Variants in MAPK4 observed in about 807,000 individuals in gnomAD.
MAPK4 encodes mitogen-activated protein kinase 4, also known as Erk3-related.
A neutral mutation model predicts 47.7 loss-of-function variants in MAPK4; 22 were observed. The ratio of observed to expected loss-of-function variants is 0.46; its 90% CI spans 0.33 to 0.66. The LOEUF is 0.66. Among genes scored for constraint, MAPK4 ranks in the 30% least tolerant of loss-of-function variants. The pLI is 0.02. For synonymous variants in MAPK4, 390 were observed against 365.7 expected, an observed-to-expected ratio of 1.07 and a Z score of -0.76; for missense variants, 736 against 831.7, an observed-to-expected ratio of 0.88 and a Z score of 1.42.
At chr18:50,568,897 T>A (rs1293998327) in intron 1 of MAPK4, among the ~76,000 whole-genome samples, 4 of 152,250 alleles carry the variant, frequency 2.6e-5, no homozygotes, top group Non-Finnish European at 5.9e-5. Context: ...AGTCTAGAAT[T>A]CTAGTTATTT....
chr18:50,567,513 A>T (rs1376779837), intron 1 of MAPK4, among the ~76,000 whole-genome samples: 2 of 152,204 alleles, frequency 1.3e-5, no homozygotes, highest in South Asian at 2.1e-4. Context: ...TGAGCCAAGG[A>T]TGTGTATGCA....
intron 1 of MAPK4, chr18:50,629,676 T>G (rs2144149326): frequency 6.6e-6 from 1 of 152,386 alleles, no homozygotes; most frequent in Admixed American, 6.5e-5. Context: ...TCTTTGAGGC[T>G]GGACCATGTT....
chr18:50,609,198 A>G (rs928193770), intron 1 of MAPK4, among the ~76,000 whole-genome samples: 6 of 151,672 alleles, frequency 4.0e-5, no homozygotes, highest in African/African-American at 1.4e-4. Flanking sequence ...CAAAACCGCC[A>G]TCGTCATCAT....
At chr18:50,710,439 C>A (rs1910288664) in intron 2 of MAPK4, among the ~76,000 whole-genome samples, 1 of 151,842 alleles carries the variant, frequency 6.6e-6, no homozygotes, top group African/African-American at 2.4e-5. Flanking sequence ...GCCAAGATGG[C>A]ACCACTGCAC....
chr18:50,624,543 GA>G (rs1267372492), intron 1 of MAPK4, among the ~76,000 whole-genome samples: 1 of 152,092 alleles, frequency 6.6e-6, no homozygotes, highest in Non-Finnish European at 1.5e-5. Flanking sequence ...TTTGACTTTT[GA>G]AAATGTTATT....
chr18:50,631,647 AT>A (rs765209303), intron 1 of MAPK4, among the ~76,000 whole-genome samples: 3 of 152,070 alleles, frequency 2.0e-5, no homozygotes, highest in Non-Finnish European at 4.4e-5. Flanking sequence ...TTCCCATTGT[AT>A]TTAGTACTCA....
At chr18:50,694,115 A>G (rs1476322370) in intron 2 of MAPK4, among the ~76,000 whole-genome samples, 1 of 152,240 alleles carries the variant, frequency 6.6e-6, no homozygotes, top group Non-Finnish European at 1.5e-5. Flanking sequence ...TCTATCCAAA[A>G]TGACTAAAAT....
chr18:50,709,693 G>A (rs1200914506), intron 2 of MAPK4, among the ~76,000 whole-genome samples: 1 of 152,190 alleles, frequency 6.6e-6, no homozygotes, highest in East Asian at 1.9e-4. Context: ...AGGCCTGGCA[G>A]TATGAAAGTG....
rs909281308 is a variant in MAPK4 at position 50,618,127 on chromosome 18, G to A, written c.-870-44962G>A. Among the ~76,000 whole-genome samples, 4 of 151,970 alleles carry A rather than the reference G, an allele frequency of 2.6e-5. 1 individual carries two copies. The highest frequency in any genetic ancestry group is 5.9e-5 in the Non-Finnish European group (4 of 67,998). On this transcript the variant is annotated intron_variant, in intron 1 of 5. Transcript: ENST00000400384. ...CTGGATCAAGCCTACATAAAGTTTA[G>A]CCCCCTTCCCCAGGCTGCCTGGCAA... is the stretch of plus-strand genomic sequence containing the variant.
intron 2 of MAPK4, among the ~76,000 whole-genome samples, chr18:50,683,332 A>C (rs1483952010): frequency 6.6e-6 from 1 of 151,996 alleles, no homozygotes; most frequent in Admixed American, 6.6e-5. Flanking sequence ...CATGTTGGCC[A>C]GGCTGGTCTT....
intron 1 of MAPK4, among the ~76,000 whole-genome samples, chr18:50,567,730 TTG>T (rs10551391): frequency 0.49 from 73,419 of 148,794 alleles, 18,383 homozygotes; most frequent in African/African-American, 0.64. Flanking sequence ...TTATAGGACT[TTG>T]TGTGTGTGTG....
At chr18:50,691,754 C>G (rs1598916797) in intron 2 of MAPK4, among the ~76,000 whole-genome samples, 1 of 152,246 alleles carries the variant, frequency 6.6e-6, no homozygotes, top group South Asian at 2.1e-4. Flanking sequence ...TCAGCAGGCT[C>G]TGGCCCCAGT....
At chr18:50,727,149 G>C (rs1168445257) in intron 5 of MAPK4, among the ~76,000 whole-genome samples, 1 of 152,186 alleles carries the variant, frequency 6.6e-6, no homozygotes, top group East Asian at 1.9e-4. Context: ...TGATCTCTTA[G>C]ATCTTTTCCT....
At chr18:50,694,257 A>T (rs745732824) in intron 2 of MAPK4, among the ~76,000 whole-genome samples, 4 of 152,086 alleles carry the variant, frequency 2.6e-5, no homozygotes, top group Non-Finnish European at 5.9e-5. Flanking sequence ...ACAGCCCTAG[A>T]TGACTCTCAG....
chr18:50,697,416 C>G (rs1322477801), intron 2 of MAPK4, among the ~76,000 whole-genome samples: 1 of 152,118 alleles, frequency 6.6e-6, no homozygotes, highest in Non-Finnish European at 1.5e-5. Flanking sequence ...TAGATATTTG[C>G]TACATTAATA....
chr18:50,598,250 T>C (rs2042502624), intron 1 of MAPK4, among the ~76,000 whole-genome samples: 1 of 152,154 alleles, frequency 6.6e-6, no homozygotes, highest in South Asian at 2.1e-4. Context: ...AAGCAAGAAA[T>C]AGCGGCTGTC....
At chr18:50,568,364 T>C (rs1279434213) in intron 1 of MAPK4, among the ~76,000 whole-genome samples, 2 of 152,198 alleles carry the variant, frequency 1.3e-5, no homozygotes, top group African/African-American at 2.4e-5. Flanking sequence ...TGCTTTATCC[T>C]CTTAGTGGAA....
intron 1 of MAPK4, among the ~76,000 whole-genome samples, chr18:50,617,237 AGACATCGG>A (rs33911661): frequency 1 from 151,647 of 152,188 alleles, 75,556 homozygotes; most frequent in East Asian, 1. Context: ...TTTGAACAGA[AGACATCGG>A]GACATCGGGG....
chr18:50,650,630 G>A (rs1474715041), intron 1 of MAPK4, among the ~76,000 whole-genome samples: 3 of 152,284 alleles, frequency 2.0e-5, no homozygotes, highest in East Asian at 1.9e-4. Flanking sequence ...TGGAGGCCAA[G>A]TGCTGTACTA....
Sources: allele counts gnomAD v4.1 joint callset (sites outside exome capture counted in the v4.1 genomes callset), GRCh38; gene constraint gnomAD v4.1.1; transcripts MANE v1.5; gene names NCBI Gene and HGNC (gene_info 2026-07-23, HGNC 2026-07-21).